The following HSPA1L variants were observed in gnomAD, a reference collection of about 807,000 sequenced individuals.
HSPA1L encodes the protein heat shock protein family A (Hsp70) member 1 like, also known as heat shock 70 kDa protein 1-like.
HSPA1L carries 21 observed loss-of-function variants against 31.5 expected under a neutral mutation model. The observed-to-expected ratio is 0.67, with a 90% CI of 0.47 to 0.96. HSPA1L has a LOEUF of 0.96. Ranked by LOEUF, HSPA1L falls within the 40% of genes least tolerant of loss-of-function variation. The pLI, the probability that HSPA1L is intolerant of heterozygous loss-of-function variation, is 0.00. For synonymous variants in HSPA1L, 293 were observed against 323.1 expected (o/e 0.91, Z 1.00); for missense variants, 709 against 813.4 (o/e 0.87, Z 1.56).
Position 31,814,926 on chromosome 6 carries a change from C to A in HSPA1L, c.-51G>T, listed in dbSNP as rs1404627891. ...CGCCTTCGCTTCAGTTTGGAAACGT[C>A]CAGATTACGCAGCCCCAGCGAGTAG... On this transcript the variant is annotated 5_prime_UTR_variant, in exon 1 of 2. Coordinates refer to ENST00000375654, the MANE Select transcript of HSPA1L (RefSeq NM_005527.4). The A allele has an allele frequency of 2.0e-6, 2 of 985,610 alleles. No homozygotes were observed. The highest frequency in any genetic ancestry group is 2.4e-6 in the Non-Finnish European group (2 of 830,204). The allele number at this position is 985,610 out of a possible 1,614,324, so 61.1% of individuals were successfully genotyped here. A position where few individuals can be genotyped will look rare whatever the true frequency, so the allele number is the denominator to read the frequency against.
In HSPA1L at chr6:31,814,934, C is replaced by T. The variant is rs1192073372; in HGVS notation, c.-59G>A. 1 of 985,728 alleles carries T rather than the reference C, an allele frequency of 1.0e-6. No homozygotes were observed. The highest frequency in any genetic ancestry group is 1.2e-6 in the Non-Finnish European group (1 of 830,204). 61.1% of individuals were successfully genotyped at this position (985,728 alleles called of 1,614,324 possible). ...CTTCAGTTTGGAAACGTCCAGATTA[C>T]GCAGCCCCAGCGAGTAGGTGGGGGC... On this transcript the variant is annotated 5_prime_UTR_variant, in exon 1 of 2. Coordinates refer to ENST00000375654, the MANE Select transcript of HSPA1L (RefSeq NM_005527.4).
In HSPA1L at chr6:31,811,679, A is replaced by T; in HGVS notation, c.294T>A (p.Asn98Lys). The T allele has an allele frequency of 6.2e-7, 1 of 1,614,192 alleles. No individual in the cohort carries two copies. The highest frequency in any genetic ancestry group is 8.5e-7 in the Non-Finnish European group (1 of 1,180,024). Residue 98 changes from asparagine (N) to lysine (K), a missense_variant, in exon 2 of 2, where the codon AAT becomes AAA. Physicochemically the swap from Asn to Lys is moderately conservative, Grantham distance 94. Coordinates refer to ENST00000375654, the MANE Select transcript of HSPA1L (RefSeq NM_005527.4). ...DMKLWPFQVINEGGKPKVLVS... is the reference protein window; with the variant it reads ...DMKLWPFQVIKEGGKPKVLVS... Reference sequence around the variant, plus strand: ...CAAGGACTTTGGGCTTGCCTCCTTCATTAATCACTTGAAAAGGCCAAAGTT... The same window carrying T: ...CAAGGACTTTGGGCTTGCCTCCTTCTTTAATCACTTGAAAAGGCCAAAGTT...
At chr6:31,812,038 T>C in intron 1 of HSPA1L, 53 bp from the exon 2 acceptor site, 1 of 1,546,658 alleles carries the variant, frequency 6.5e-7, no homozygotes, top group Non-Finnish European at 8.7e-7. Context: ...CAATGTTATT[T>C]ATTTTTTTGA....
At position 31,811,380 on chromosome 6, in the gene HSPA1L, A is replaced by G; in HGVS notation, c.593T>C (p.Leu198Pro). 1 of 1,614,220 alleles carries G rather than the reference A, an allele frequency of 6.2e-7. No individual in the cohort carries two copies. Among genetic ancestry groups the G allele is most frequent in the Non-Finnish European group, 8.5e-7 (1 of 1,180,040 alleles). Residue 198 changes from leucine (L) to proline (P), a missense_variant, in exon 2 of 2, where the codon CTG becomes CCG. Transcript: ENST00000375654. ...TGTGCCTCCACCCAGATCAAAAATC[A>G]GGACATGTCGTTCTCCTTGACCTCC... Reference protein sequence around the residue: ...DKGGQGERHVLIFDLGGGTFD... With the variant: ...DKGGQGERHVPIFDLGGGTFD...
At chr6:31,814,452 TGA>T (rs1815703821) in intron 1 of HSPA1L, among the ~76,000 whole-genome samples, 1 of 145,408 alleles carries the variant, frequency 6.9e-6, no homozygotes, top group Non-Finnish European at 1.5e-5. Flanking sequence ...GAGCTTGCAG[TGA>T]GCCAAGATCG....
In HSPA1L at chr6:31,811,432, C is replaced by T; in HGVS notation, c.541G>A (p.Ala181Thr). ...TTATCTAAACCATAGGCAATGGCAG[C>T]AGCCGTGGGCTCATTGATGATTCTT... is the stretch of plus-strand genomic sequence containing the variant. Reference protein sequence around the residue: ...VLRIINEPTAAAIAYGLDKGG... With the variant: ...VLRIINEPTATAIAYGLDKGG... Residue 181 changes from alanine (A) to threonine (T), a missense_variant, in exon 2 of 2, where the codon GCT becomes ACT. Transcript: ENST00000375654. 6.2e-7 allele frequency: 1 copy of T among 1,614,200 alleles called. No homozygotes were observed. The highest frequency in any genetic ancestry group is 8.5e-7 in the Non-Finnish European group (1 of 1,180,034).
rs1448410696 is a variant in HSPA1L at position 31,811,411 on chromosome 6, C to G, written c.562G>C (p.Asp188His). ...PTAAAIAYGL[D>H]KGGQGERHVL... ...TGTCGTTCTCCTTGACCTCCTTTAT[C>G]TAAACCATAGGCAATGGCAGCAGCC... is the stretch of plus-strand genomic sequence containing the variant. Residue 188 changes from aspartate to histidine, a missense_variant, in exon 2 of 2, where the codon GAT (aspartate) becomes CAT (histidine). Asp to His is a moderately conservative substitution (Grantham distance 81). Transcript: ENST00000375654. The G allele has an allele frequency of 6.2e-7, 1 of 1,614,220 alleles. No homozygotes were observed. The highest frequency in any genetic ancestry group is 8.5e-7 in the Non-Finnish European group (1 of 1,180,044).
In HSPA1L at chr6:31,810,279, C is replaced by T; in HGVS notation, c.1694G>A (p.Ser565Asn). Residue 565 changes from serine (S) to asparagine (N), a missense_variant, in exon 2 of 2, where the codon AGT becomes AAT. By Grantham distance (46) the Ser-to-Asn change is conservative. Transcript: ENST00000375654. Reference sequence around the variant, plus strand: ...CAATATTTTATTTTTATCAGACTCACTAATCTTGCCCTTCAAACCTTCATC... The same window carrying T: ...CAATATTTTATTTTTATCAGACTCATTAATCTTGCCCTTCAAACCTTCATC... ...VSDEGLKGKI[S>N]ESDKNKILDK... is the part of the protein sequence containing the mutation. The T allele has an allele frequency of 6.5e-7, 1 of 1,540,670 alleles. No homozygotes were observed. Among genetic ancestry groups the T allele is most frequent in the East Asian group, 2.3e-5 (1 of 44,348 alleles).
In HSPA1L at chr6:31,810,781, C is replaced by G. The variant is rs139384991; in HGVS notation, c.1192G>C (p.Val398Leu). The G allele has an allele frequency of 6.2e-7, 1 of 1,614,144 alleles. No individual in the cohort carries two copies. Among genetic ancestry groups the G allele is most frequent in the Non-Finnish European group, 8.5e-7 (1 of 1,180,020 alleles). The change falls in exon 2 of 2, where the codon GTG becomes CTG. Residue 398 changes from valine (V) to leucine (L), a missense_variant. By Grantham distance (32) the Val-to-Leu change is conservative. Transcript: ENST00000375654. The part of the protein sequence containing the change: ...EKVQDLLLLD[V>L]APLSLGLETA... ...TCCAGCCCCAGGGACAGGGGAGCCA[C>G]GTCCAGCAGCAGCAGGTCCTGTACC...
rs774072389 is a variant in HSPA1L at position 31,810,423 on chromosome 6, A to G, written c.1550T>C (p.Ile517Thr). Residue 517 changes from isoleucine to threonine, a missense_variant, in exon 2 of 2, where the codon ATT becomes ACT. Physicochemically the swap from Ile to Thr is moderately conservative, Grantham distance 89. Coordinates refer to ENST00000375654, the MANE Select transcript of HSPA1L (RefSeq NM_005527.4). ...CTCAGCATCCAGAACCATGCGCTCA[A>G]TCTCCTCCTTGCTCAGGCGGCCCTT... ...NDKGRLSKEE[I>T]ERMVLDAEKY... 4 of 1,613,682 alleles carry G rather than the reference A, an allele frequency of 2.5e-6. No homozygotes were observed. The highest frequency in any genetic ancestry group is 1.1e-5 in the South Asian group (1 of 91,054).
Position 31,811,015 on chromosome 6 carries a change from C to A in HSPA1L, c.958G>T (p.Glu320Ter). The change falls in exon 2 of 2, where the codon GAA becomes TAA. Residue 320 changes from glutamate (E) to a stop codon, truncating the protein, a stop_gained. Coordinates refer to ENST00000375654, the MANE Select transcript of HSPA1L (RefSeq NM_005527.4). LOFTEE classifies it high-confidence loss of function. ...DLFRGTLEPV[E>*]KALRDAKMDK... Reference sequence around the variant, plus strand: ...ATCTTGGCATCCCGAAGCGCTTTTTCTACAGGCTCCAGGGTACCCCTAAAC... The same window carrying A: ...ATCTTGGCATCCCGAAGCGCTTTTTATACAGGCTCCAGGGTACCCCTAAAC... The A allele has an allele frequency of 6.2e-7, 1 of 1,614,158 alleles. No homozygotes were observed.
chr6:31,812,867 G>A (rs1204958430), intron 1 of HSPA1L, among the ~76,000 whole-genome samples: 6 of 152,028 alleles, frequency 3.9e-5, no homozygotes, highest in Non-Finnish European at 7.4e-5. Context: ...TGTCACGCAG[G>A]CTGCACTGCA....
chr6:31,815,032 GC>G lies in HSPA1L; in HGVS notation c.-158del. On this transcript the variant is annotated 5_prime_UTR_variant, in exon 1 of 2. An upstream open reading frame in the 5' UTR gains an earlier in-frame stop. Transcript: ENST00000375654. ...CGTCCCTCCCTGCAAATTTGAGACG[GC>G]TCCAACTCAGTAATCTTTTTCCAAA... 3.1e-6 allele frequency: 3 copies of G among 966,228 alleles called. No individual in the cohort carries two copies. The highest frequency in any genetic ancestry group is 3.6e-6 in the Non-Finnish European group (3 of 821,994). The allele number at this position is 966,228 out of a possible 1,614,324, so 59.9% of individuals were successfully genotyped here. A position where few individuals can be genotyped will look rare whatever the true frequency, so the allele number is the denominator to read the frequency against.
In HSPA1L at chr6:31,811,106, A is replaced by T. The variant is rs1451607759; in HGVS notation, c.867T>A (p.Leu289=). 3 of 1,614,020 alleles carry T rather than the reference A, an allele frequency of 1.9e-6. No homozygotes were observed. Among genetic ancestry groups the T allele is most frequent in the Non-Finnish European group, 2.5e-6 (3 of 1,180,024 alleles). ...STQANLEIDS[L]YEGIDFYTSI... ...ATGTATAGAAGTCAATGCCTTCATA[A>T]AGTGAATCAATTTCTAGGTTGGCCT... is the stretch of plus-strand genomic sequence containing the variant. Residue 289 remains leucine, a synonymous_variant, in exon 2 of 2, where the codon CTT becomes CTA. Coordinates refer to ENST00000375654, the MANE Select transcript of HSPA1L (RefSeq NM_005527.4).
At position 31,811,958 on chromosome 6, in the gene HSPA1L, C is replaced by T. The variant is rs768906825; in HGVS notation, c.15G>A (p.Lys5=). 1 of 1,614,110 alleles carries T rather than the reference C, an allele frequency of 6.2e-7. No homozygotes were observed. The highest frequency in any genetic ancestry group is 8.5e-7 in the Non-Finnish European group (1 of 1,179,990). Residue 5 remains lysine, a synonymous_variant, in exon 2 of 2, where the codon AAG becomes AAA. Coordinates refer to ENST00000375654, the MANE Select transcript of HSPA1L (RefSeq NM_005527.4). Reference sequence around the variant, plus strand: ...CCAGGTCGATGCCTATGGCGATTCCCTTGGCAGTAGCCATGGTTCTCTGAG... The same window carrying T: ...CCAGGTCGATGCCTATGGCGATTCCTTTGGCAGTAGCCATGGTTCTCTGAG... MATA[K]GIAIGIDLGT...
rs368011012 is a variant in HSPA1L, at chr6:31,811,645, T to C, written c.328A>G (p.Lys110Glu). 2.5e-5 allele frequency: 41 copies of C among 1,614,114 alleles called. No individual in the cohort carries two copies. The highest frequency in any genetic ancestry group is 3.3e-5 in the Non-Finnish European group (39 of 1,180,044). The stretch of plus-strand genomic sequence containing the variant: ...GGGTAGAAAGCTTTATTCTCCCCTT[T>C]GTAGGACACAAGGACTTTGGGCTTG... ...GGKPKVLVSY[K>E]GENKAFYPEE... Residue 110 changes from lysine (K) to glutamate (E), a missense_variant, in exon 2 of 2, where the codon AAA (lysine) becomes GAA (glutamate). Coordinates refer to ENST00000375654, the MANE Select transcript of HSPA1L (RefSeq NM_005527.4).
intron 1 of HSPA1L, among the ~76,000 whole-genome samples, chr6:31,814,680 C>T (rs1815745249): frequency 6.8e-6 from 1 of 146,764 alleles, no homozygotes; most frequent in Admixed American, 6.8e-5. Flanking sequence ...CGACAGGCCG[C>T]ACTCCCTTCC....
In HSPA1L at chr6:31,810,725, T is replaced by G. The variant is rs17857014; in HGVS notation, c.1248A>C (p.Ile416=). The G allele has an allele frequency of 2.3e-5, 37 of 1,613,864 alleles. No individual in the cohort carries two copies. In the African/African-American group the frequency reaches 3.3e-4, roughly 15 times the overall value. The change falls in exon 2 of 2, where the codon ATA becomes ATC. Residue 416 remains isoleucine, a synonymous_variant. Transcript: ENST00000375654. ...TGGTGGGGATGGTGGAGTTGCGCTT[T>G]ATCAGGGCAGTCATCACGCCCCCAG... ...ETAGGVMTAL[I]KRNSTIPTKQ...
chr6:31,813,622 TTATC>T (rs909034513), intron 1 of HSPA1L, among the ~76,000 whole-genome samples: 1 of 152,206 alleles, frequency 6.6e-6, no homozygotes, highest in African/African-American at 2.4e-5. Context: ...TACATTTTGC[TTATC>T]TATCTCTCGA....
Sources: gnomAD v4.1 joint callset for allele counts (sites outside exome capture counted in the v4.1 genomes callset) on GRCh38, gnomAD v4.1.1 for gene constraint, MANE v1.5 for transcripts, NCBI Gene and HGNC (gene_info 2026-07-23, HGNC 2026-07-21) for gene names.